The following FAM240A variants were observed in gnomAD, a reference collection of about 807,000 sequenced individuals.
The protein encoded by FAM240A is protein FAM240A.
In FAM240A, 8 loss-of-function variants were observed where a neutral mutation model predicts 7.3. The ratio of observed to expected loss-of-function variants is 1.09; its 90% CI spans 0.64 to 1.97. The LOEUF (loss-of-function observed/expected upper bound fraction) is 1.97, where lower values mean the gene tolerates loss of function less well. FAM240A is among the 30% of genes most tolerant of loss of function. The probability of loss-of-function intolerance (pLI) is 0.00; values close to 1 mark genes in which losing one functional copy is unlikely to be tolerated. For missense variants in FAM240A, 90 were observed against 102.2 expected (o/e 0.88, Z 0.52); for synonymous variants, 32 against 35.9 (o/e 0.89, Z 0.38).
In FAM240A at chr3:46,625,226, C is replaced by T; in HGVS notation, c.*8C>T. The T allele has an allele frequency of 6.6e-7, 1 of 1,526,142 alleles. No homozygotes were observed. Among genetic ancestry groups the T allele is most frequent in the Non-Finnish European group, 8.8e-7 (1 of 1,140,170 alleles). 94.5% of individuals were successfully genotyped at this position (1,526,142 alleles called of 1,614,324 possible). ...AGGACAAATGTTGGCTGAGAGCTTCCTGCTTCATTGACACAAGAAGATGCA... is the reference window on the plus strand; with the variant it reads ...AGGACAAATGTTGGCTGAGAGCTTCTTGCTTCATTGACACAAGAAGATGCA... On this transcript the variant is annotated 3_prime_UTR_variant, in exon 3 of 3. Coordinates refer to ENST00000640551, the MANE Select transcript of FAM240A (RefSeq NM_001195442.2).
intron 2 of FAM240A, among the ~76,000 whole-genome samples, chr3:46,618,662 G>A (rs1697656726): frequency 6.6e-6 from 1 of 151,984 alleles, no homozygotes; most frequent in South Asian, 2.1e-4. Context: ...CCAACAAGGA[G>A]AAACCCCATC....
At chr3:46,618,880 TATACACACACACAC>T (rs1421893550) in intron 2 of FAM240A, among the ~76,000 whole-genome samples, 42 of 83,052 alleles carry the variant, frequency 5.1e-4, no homozygotes, top group Non-Finnish European at 1.0e-3. Context: ...TATATATATA[TATACACACACACAC>T]ACACACACAC....
intron 2 of FAM240A, among the ~76,000 whole-genome samples, chr3:46,618,707 G>A (rs368109348): frequency 6.6e-6 from 1 of 151,798 alleles, no homozygotes; most frequent in Non-Finnish European, 1.5e-5. Context: ...AGGCGTGGTG[G>A]TGCATGCCTG....
intron 1 of FAM240A, among the ~76,000 whole-genome samples, chr3:46,613,894 G>T (rs1408720201): frequency 6.6e-6 from 1 of 152,114 alleles, no homozygotes; most frequent in Non-Finnish European, 1.5e-5. Context: ...AGTGAAGAAG[G>T]ATGGGGTATT....
At chr3:46,613,692 C>A (rs530784170) in intron 1 of FAM240A, among the ~76,000 whole-genome samples, 2 of 152,156 alleles carry the variant, frequency 1.3e-5, no homozygotes, top group Non-Finnish European at 2.9e-5. Flanking sequence ...CTTCCTGCAC[C>A]CTGGGTGCTC....
At chr3:46,613,284 A>G (rs973545013) in intron 1 of FAM240A, among the ~76,000 whole-genome samples, 4 of 152,130 alleles carry the variant, frequency 2.6e-5, no homozygotes, top group Non-Finnish European at 4.4e-5. Context: ...ACCTGAGGTC[A>G]GGAGTTTGAG....
chr3:46,614,673 G>A (rs1056419480), intron 1 of FAM240A, among the ~76,000 whole-genome samples: 14 of 152,178 alleles, frequency 9.2e-5, no homozygotes, highest in East Asian at 7.7e-4. Flanking sequence ...CAGGACAAAC[G>A]CTCTTACCCA....
intron 1 of FAM240A, among the ~76,000 whole-genome samples, chr3:46,615,392 C>G (rs544727950): frequency 4.9e-4 from 75 of 152,222 alleles, no homozygotes; most frequent in African/African-American, 1.7e-3. Flanking sequence ...CACTGACACC[C>G]CTTCTCCTTC....
chr3:46,621,305 A>G (rs1473165892), intron 2 of FAM240A, among the ~76,000 whole-genome samples: 1 of 151,796 alleles, frequency 6.6e-6, no homozygotes, highest in East Asian at 1.9e-4. Flanking sequence ...TTTTTGTTTG[A>G]AGATCTTTTT....
At chr3:46,621,882 C>T (rs9817414) in intron 2 of FAM240A, among the ~76,000 whole-genome samples, 32,261 of 151,662 alleles carry the variant, frequency 0.21, 3,665 homozygotes, top group East Asian at 0.33. Flanking sequence ...TGGCTTGTTT[C>T]TACCATCTTA....
chr3:46,612,820 G>C, intron 1 of FAM240A, 122 bp downstream of exon 1: 1 of 778,936 alleles, frequency 1.3e-6, no homozygotes, highest in Non-Finnish European at 2.1e-6. Context: ...TCAAGTACAA[G>C]ATTAGATGGC....
chr3:46,619,855 C>G (rs553277071), intron 2 of FAM240A, among the ~76,000 whole-genome samples: 1 of 152,328 alleles, frequency 6.6e-6, no homozygotes, highest in Non-Finnish European at 1.5e-5. Flanking sequence ...GGCAAGGGAA[C>G]AGCTTGCCCT....
At position 46,625,906 on chromosome 3, in the gene FAM240A, G is replaced by A. The variant is rs1437425835; in HGVS notation, c.*688G>A. 1 of 152,136 alleles carries A rather than the reference G, an allele frequency of 6.6e-6. No homozygotes were observed. Among genetic ancestry groups the A allele is most frequent in the African/African-American group, 2.4e-5 (1 of 41,412 alleles). 9.4% of individuals were successfully genotyped at this position (152,136 alleles called of 1,614,324 possible). ...GCATGTTTACACTGGTTGGCTCTCT[G>A]TCAGCCCAGCCAAAGCATATCTGGC... On this transcript the variant is annotated 3_prime_UTR_variant, in exon 3 of 3. Transcript: ENST00000640551.
intron 2 of FAM240A, 54 bp downstream of exon 2, chr3:46,617,382 G>T (rs9870935): frequency 0.85 from 1,209,586 of 1,429,414 alleles, 518,175 homozygotes; most frequent in Admixed American, 0.87. Flanking sequence ...AAAATACATC[G>T]TATAATTTAG....
chr3:46,616,730 T>TCACACACAC (rs1697634371), intron 1 of FAM240A, among the ~76,000 whole-genome samples: 2 of 127,708 alleles, frequency 1.6e-5, no homozygotes, highest in African/African-American at 5.9e-5. Context: ...CACACACACA[T>TCACACACAC]AAAACATTTT....
chr3:46,617,863 G>A (rs1024960700), intron 2 of FAM240A, among the ~76,000 whole-genome samples: 2 of 152,196 alleles, frequency 1.3e-5, no homozygotes, highest in East Asian at 3.9e-4. Flanking sequence ...CCCCTTGTGT[G>A]CATCCCTGTT....
rs1403946136 is a variant in FAM240A, at chr3:46,625,175, G to A, written c.209G>A (p.Arg70Gln). The change falls in exon 3 of 3, where the codon CGG (arginine) becomes CAG (glutamine). Residue 70 changes from arginine to glutamine, a missense_variant. By Grantham distance (43) the Arg-to-Gln change is conservative. Transcript: ENST00000640551. ...AGGCTGGAAACAAAGCTGAGGCTGCGGAACAATCCAGAGGACACTGAAAAG... is the reference window on the plus strand; with the variant it reads ...AGGCTGGAAACAAAGCTGAGGCTGCAGAACAATCCAGAGGACACTGAAAAG... ...KQRLETKLRL[R>Q]NNPEDTEKRT... 1.8e-5 allele frequency: 27 copies of A among 1,534,376 alleles called. No homozygotes were observed. Among genetic ancestry groups the A allele is most frequent in the Middle Eastern group, 1.7e-4 (1 of 6,006 alleles).
chr3:46,618,866 TGTATATATATATATATAC>T (rs1697661012), intron 2 of FAM240A, among the ~76,000 whole-genome samples: 1 of 72,092 alleles, frequency 1.4e-5, no homozygotes, highest in African/African-American at 5.3e-5. Flanking sequence ...TATATATATA[TGTATATATATATATATAC>T]ACACACACAC....
At chr3:46,624,973 A>G (rs886244292) in intron 2 of FAM240A, among the ~76,000 whole-genome samples, 155 bp from the exon 3 acceptor site, 1 of 149,658 alleles carries the variant, frequency 6.7e-6, no homozygotes, top group African/African-American at 2.4e-5. Flanking sequence ...TTATATATAT[A>G]TATATATATT....
Sources: allele counts gnomAD v4.1 joint callset (sites outside exome capture counted in the v4.1 genomes callset), GRCh38; gene constraint gnomAD v4.1.1; transcripts MANE v1.5; gene names NCBI Gene and HGNC (gene_info 2026-07-23, HGNC 2026-07-21).